CHD7: variants seen among roughly 807,000 people sequenced by gnomAD.
CHD7 encodes ATP-dependent chromatin remodeler CHD7.
Under a neutral mutation model 307.3 loss-of-function variants are expected in CHD7, and 24 were observed. The ratio of observed to expected loss-of-function variants is 0.08; its 90% confidence interval spans 0.06 to 0.11. The LOEUF is 0.11. Among genes scored for constraint, CHD7 ranks in the 10% least tolerant of loss-of-function variants. CHD7 has a pLI of 1.00. For missense variants in CHD7, 3,106 were observed against 3,727.1 expected (o/e 0.83, Z 4.34); for synonymous variants, 1,363 against 1,349.9 (o/e 1.01, Z -0.21).
intron 2 of CHD7, among the ~76,000 whole-genome samples, chr8:60,780,273 A>T (rs927138234): frequency 2.6e-5 from 4 of 152,174 alleles, no homozygotes; most frequent in African/African-American, 9.7e-5. Context: ...ATCCCTAGTG[A>T]AAGTCAAGAA....
intron 4 of CHD7, among the ~76,000 whole-genome samples, chr8:60,795,926 T>G (rs974805228): frequency 1.3e-5 from 2 of 152,196 alleles, no homozygotes; most frequent in Non-Finnish European, 2.9e-5. Flanking sequence ...AGAGTTGTCC[T>G]GGAGTAGGAA....
chr8:60,779,575 A>C (rs1190442278), intron 2 of CHD7, among the ~76,000 whole-genome samples: 1 of 152,242 alleles, frequency 6.6e-6, no homozygotes, highest in Non-Finnish European at 1.5e-5. Context: ...AGCTTGGTGC[A>C]TGGCATCAAA....
rs2129653304 is a variant in CHD7, at chr8:60,856,847, G to A, written c.7567G>A (p.Asp2523Asn). 1 of 1,576,680 alleles carries A rather than the reference G, an allele frequency of 6.3e-7. No individual in the cohort carries two copies. Among genetic ancestry groups the A allele is most frequent in the Non-Finnish European group, 8.6e-7 (1 of 1,162,684 alleles). The part of the protein sequence containing the change: ...RGRRKNVEGL[D>N]LLFMSHKRTS... ...AAGGAGGAAAAATGTGGAGGGACTT[G>A]ATCTGCTTTTCATGAGCCACAAACG... is the stretch of plus-strand genomic sequence containing the variant. Residue 2523 changes from aspartate (D) to asparagine (N), a missense_variant, in exon 34 of 38, where the codon GAT becomes AAT. Asp to Asn is a conservative substitution (Grantham distance 23). Transcript: ENST00000423902.
intron 13 of CHD7, 42 bp downstream of exon 13, chr8:60,824,058 T>C (rs1382907119): frequency 1.9e-6 from 3 of 1,563,806 alleles, no homozygotes; most frequent in South Asian, 1.1e-5. Flanking sequence ...CTGAATAGAA[T>C]TGTTGCTGAC....
intron 2 of CHD7, among the ~76,000 whole-genome samples, chr8:60,747,337 C>A (rs1358913966): frequency 6.6e-6 from 1 of 152,096 alleles, no homozygotes; most frequent in African/African-American, 2.4e-5. Context: ...TGTGGCCTCC[C>A]AAAGTGCTGG....
chr8:60,785,333 C>T (rs187158674), intron 3 of CHD7, among the ~76,000 whole-genome samples: 4 of 152,276 alleles, frequency 2.6e-5, no homozygotes, highest in African/African-American at 9.6e-5. Flanking sequence ...TCATTCCTTG[C>T]TCTATGCTCT....
intron 1 of CHD7, among the ~76,000 whole-genome samples, chr8:60,709,861 TCTC>T (rs1807197628): frequency 6.6e-6 from 1 of 152,228 alleles, no homozygotes; most frequent in African/African-American, 2.4e-5. Flanking sequence ...AGATAGCTAT[TCTC>T]CTACAGAGTT....
rs1809130457 is a variant in CHD7, at chr8:60,742,938, T to G, written c.1506T>G (p.Pro502=). Residue 502 remains proline, a synonymous_variant, in exon 2 of 38, where the codon CCT becomes CCG. Transcript: ENST00000423902. ...QERLIPGQQH[P]GQQPSFQQLP... is the part of the protein sequence containing the mutation. ...GACTGATACCTGGCCAACAACATCC[T>G]GGTCAACAGCCATCTTTTCAGCAGT... 1 of 1,613,462 alleles carries G rather than the reference T, an allele frequency of 6.2e-7. No individual in the cohort carries two copies. Among genetic ancestry groups the G allele is most frequent in the Non-Finnish European group, 8.5e-7 (1 of 1,179,636 alleles).
At chr8:60,863,533 T>C (rs1308513302) in intron 37 of CHD7, 1 of 152,190 alleles carries the variant, frequency 6.6e-6, no homozygotes, top group Non-Finnish European at 1.5e-5. Flanking sequence ...CTATAAGCAA[T>C]TGTGTACAGG....
intron 8 of CHD7, among the ~76,000 whole-genome samples, chr8:60,819,616 A>G (rs1365338623): frequency 1.3e-5 from 2 of 152,226 alleles, no homozygotes; most frequent in African/African-American, 2.4e-5. Flanking sequence ...AGGAGTTACA[A>G]TATTCCAAGT....
At chr8:60,753,306 C>T (rs1376083575) in intron 2 of CHD7, among the ~76,000 whole-genome samples, 1 of 152,186 alleles carries the variant, frequency 6.6e-6, no homozygotes, top group African/African-American at 2.4e-5. Context: ...GTGGGAACCC[C>T]TGTGCTCAGT....
At chr8:60,682,353 T>G (rs1288359152) in intron 1 of CHD7, among the ~76,000 whole-genome samples, 3 of 152,220 alleles carry the variant, frequency 2.0e-5, no homozygotes, top group Non-Finnish European at 2.9e-5. Flanking sequence ...TTACAACCGT[T>G]TTTCATACAG....
intron 2 of CHD7, among the ~76,000 whole-genome samples, chr8:60,775,365 C>T (rs372965493): frequency 6.6e-6 from 1 of 151,336 alleles, no homozygotes; most frequent in Non-Finnish European, 1.5e-5. Flanking sequence ...CTACTTTATT[C>T]CTACCAGTAA....
intron 32 of CHD7, among the ~76,000 whole-genome samples, chr8:60,854,757 T>A (rs548445776): frequency 6.6e-6 from 1 of 152,294 alleles, no homozygotes; most frequent in Non-Finnish European, 1.5e-5. Flanking sequence ...TAATAAGAAA[T>A]AGAAGTGTGT....
intron 1 of CHD7, among the ~76,000 whole-genome samples, chr8:60,707,822 A>T (rs772174855): frequency 7.9e-5 from 12 of 152,236 alleles, no homozygotes; most frequent in Non-Finnish European, 1.8e-4. Flanking sequence ...CCATTTCACT[A>T]TAAGTATATG....
intron 1 of CHD7, among the ~76,000 whole-genome samples, chr8:60,707,760 A>C (rs1807089050): frequency 1.3e-5 from 2 of 152,226 alleles, no homozygotes; most frequent in Admixed American, 6.5e-5. Context: ...TCTCAAAAAA[A>C]GGGAAACTAT....
chr8:60,682,034 G>A (rs564366270), intron 1 of CHD7, among the ~76,000 whole-genome samples: 1 of 152,280 alleles, frequency 6.6e-6, no homozygotes, highest in Non-Finnish European at 1.5e-5. Flanking sequence ...AGGAATGGTA[G>A]AGTGGTTGTA....
intron 4 of CHD7, among the ~76,000 whole-genome samples, chr8:60,796,709 C>T (rs1023440469): frequency 6.6e-6 from 1 of 151,886 alleles, no homozygotes; most frequent in African/African-American, 2.4e-5. Flanking sequence ...TGGCTAGGGC[C>T]TAACTGTTAC....
At chr8:60,813,897 CTTTTT>C (rs1563622905) in intron 7 of CHD7, among the ~76,000 whole-genome samples, 1 of 151,634 alleles carries the variant, frequency 6.6e-6, no homozygotes, top group African/African-American at 2.4e-5. Flanking sequence ...TATGCTCTTT[CTTTTT>C]TAACTGTCAA....
Sources: gnomAD v4.1 joint callset for allele counts (sites outside exome capture counted in the v4.1 genomes callset) on GRCh38, gnomAD v4.1.1 for gene constraint, MANE v1.5 for transcripts, NCBI Gene and HGNC (gene_info 2026-07-23, HGNC 2026-07-21) for gene names.